Variants in AFF3 observed in about 807,000 individuals in gnomAD.
The protein encoded by AFF3 is ALF transcription elongation factor 3.
Under a neutral mutation model 129.7 loss-of-function variants are expected in AFF3, and 32 were observed. The observed-to-expected ratio is 0.25, with a 90% confidence interval of 0.19 to 0.33. AFF3 has a LOEUF of 0.33. AFF3 is among the 10% of genes least tolerant of loss of function. The pLI, the probability that AFF3 is intolerant of heterozygous loss-of-function variation, is 1.00. For missense variants in AFF3, 1,373 were observed against 1,592.0 expected (o/e 0.86, Z 2.34); for synonymous variants, 644 against 635.4 (o/e 1.01, Z -0.20).
At chr2:99,827,670 C>T (rs1688196253) in intron 8 of AFF3, among the ~76,000 whole-genome samples, 1 of 151,604 alleles carries the variant, frequency 6.6e-6, no homozygotes, top group Non-Finnish European at 1.5e-5. Context: ...TATATATATA[C>T]ACACACATAC....
chr2:99,697,912 T>C (rs943237148), intron 11 of AFF3, among the ~76,000 whole-genome samples: 1 of 152,262 alleles, frequency 6.6e-6, no homozygotes, highest in South Asian at 2.1e-4. Context: ...TACCTGACTT[T>C]GTGAATTTGC....
At chr2:99,864,004 T>A (rs1003697251) in intron 7 of AFF3, among the ~76,000 whole-genome samples, 1 of 152,122 alleles carries the variant, frequency 6.6e-6, no homozygotes, top group African/African-American at 2.4e-5. Flanking sequence ...TTCCACAGAA[T>A]CCTCCAAAAG....
At chr2:99,678,520 T>C (rs1298569407) in intron 11 of AFF3, among the ~76,000 whole-genome samples, 1 of 152,230 alleles carries the variant, frequency 6.6e-6, no homozygotes, top group Non-Finnish European at 1.5e-5. Context: ...CTGAATTAGT[T>C]GTCATTTGGG....
intron 4 of AFF3, among the ~76,000 whole-genome samples, chr2:100,075,888 G>A (rs1688550792): frequency 6.6e-6 from 1 of 152,110 alleles, no homozygotes; most frequent in South Asian, 2.1e-4. Flanking sequence ...TTTGGGGCCC[G>A]TAGGATGGAG....
chr2:99,882,105 A>C (rs1692766162), intron 7 of AFF3, among the ~76,000 whole-genome samples: 1 of 146,918 alleles, frequency 6.8e-6, no homozygotes, highest in African/African-American at 2.5e-5. Context: ...CACTCTCCCC[A>C]CCCTCTCTCA....
At chr2:100,046,509 T>C (rs972866649) in intron 4 of AFF3, among the ~76,000 whole-genome samples, 4 of 152,172 alleles carry the variant, frequency 2.6e-5, no homozygotes, top group Non-Finnish European at 4.4e-5. Context: ...GGGCTGCAGT[T>C]TAGGTCCTCC....
chr2:100,140,687 C>T (rs1298294827), intron 1 of AFF3, among the ~76,000 whole-genome samples: 1 of 152,154 alleles, frequency 6.6e-6, no homozygotes, highest in East Asian at 1.9e-4. Flanking sequence ...TTCCATGTGC[C>T]TATTTCCTGG....
At chr2:99,565,429 A>G in intron 20 of AFF3, 58 bp downstream of exon 20, 1 of 1,590,840 alleles carries the variant, frequency 6.3e-7, no homozygotes, top group Non-Finnish European at 8.6e-7. Context: ...CTGTAACCAT[A>G]GTGCTTCCAC....
At chr2:99,994,830 T>A (rs931222462) in intron 7 of AFF3, among the ~76,000 whole-genome samples, 2 of 152,166 alleles carry the variant, frequency 1.3e-5, no homozygotes, top group African/African-American at 4.8e-5. Context: ...CCTGACATCA[T>A]TTGAACCAGT....
At chr2:100,014,954 ATTTT>A (rs562822524) in intron 4 of AFF3, among the ~76,000 whole-genome samples, 1 of 121,658 alleles carries the variant, frequency 8.2e-6, no homozygotes, top group African/African-American at 3.3e-5. Flanking sequence ...CAGCCAGCTA[ATTTT>A]TTTTTTTTTT....
intron 7 of AFF3, among the ~76,000 whole-genome samples, chr2:99,937,639 C>A (rs991825293): frequency 1.2e-4 from 18 of 152,234 alleles, no homozygotes; most frequent in African/African-American, 4.3e-4. Flanking sequence ...CCTTGTGATC[C>A]GCCCGCCTCG....
At chr2:100,104,660 G>T (rs1691083920) in intron 3 of AFF3, 142 bp from the exon 4 acceptor site, 13 of 947,842 alleles carry the variant, frequency 1.4e-5, no homozygotes, top group Non-Finnish European at 1.6e-5. Flanking sequence ...AGCGGCCGGC[G>T]CACTCACCCG....
At chr2:99,893,534 A>G (rs1693724779) in intron 7 of AFF3, among the ~76,000 whole-genome samples, 2 of 152,220 alleles carry the variant, frequency 1.3e-5, no homozygotes, top group South Asian at 4.1e-4. Flanking sequence ...TCAGAGACAC[A>G]GCACAAAGGT....
At chr2:99,553,918 C>CAAAAAAAAA (rs61326965) in intron 24 of AFF3, among the ~76,000 whole-genome samples, 6 of 56,970 alleles carry the variant, frequency 1.1e-4, no homozygotes, top group African/African-American at 2.7e-4. Context: ...TGTCTCAAAC[C>CAAAAAAAAA]AAAAAAAAAA....
intron 13 of AFF3, among the ~76,000 whole-genome samples, chr2:99,637,421 T>C (rs1453058277): frequency 6.6e-6 from 1 of 152,196 alleles, no homozygotes; most frequent in African/African-American, 2.4e-5. Context: ...CTGAAATGCA[T>C]CTTTTTTGAA....
At chr2:100,118,814 CT>C (rs5832899) in intron 2 of AFF3, among the ~76,000 whole-genome samples, 5,984 of 143,590 alleles carry the variant, frequency 0.042, 237 homozygotes, top group East Asian at 0.21. Context: ...AAAATTCTGA[CT>C]TTTTTTTTTT....
intron 13 of AFF3, among the ~76,000 whole-genome samples, chr2:99,632,998 A>G (rs1394613198): frequency 1.3e-5 from 2 of 152,188 alleles, no homozygotes; most frequent in Non-Finnish European, 2.9e-5. Context: ...GTCAAGGCCA[A>G]TGGCGAATCA....
In AFF3 at chr2:99,965,526, T is replaced by A. The variant is rs908869371; in HGVS notation, c.873+41106A>T. On this transcript the variant is annotated intron_variant, in intron 7 of 24. Transcript: ENST00000672756. ...AAAACTGAGAACAATAGCTGAAATT[T>A]ATGGTTGTACACAGGTCTGCCTTTG... Among the ~76,000 whole-genome samples, 12 of 152,348 alleles carry A rather than the reference T, an allele frequency of 7.9e-5. 1 individual carries two copies. The South Asian group carries it at 2.3e-3, about 29-fold the overall frequency.
intron 8 of AFF3, among the ~76,000 whole-genome samples, chr2:99,802,053 T>C (rs1685982798): frequency 6.6e-6 from 1 of 152,220 alleles, no homozygotes; most frequent in Non-Finnish European, 1.5e-5. Flanking sequence ...AATTAAAACA[T>C]GTAATTACCA....
Sources: allele counts gnomAD v4.1 joint callset (sites outside exome capture counted in the v4.1 genomes callset), GRCh38; gene constraint gnomAD v4.1.1; transcripts MANE v1.5; gene names NCBI Gene and HGNC (gene_info 2026-07-23, HGNC 2026-07-21).